TMEM184B: variants seen among roughly 807,000 people sequenced by gnomAD.
The protein encoded by TMEM184B is transmembrane protein 184B.
In TMEM184B, 17 loss-of-function variants were observed where a neutral mutation model predicts 41.8. The ratio of observed to expected loss-of-function variants is 0.41; its 90% confidence interval spans 0.28 to 0.61. The LOEUF is 0.61. Ranked by LOEUF, TMEM184B falls within the 20% of genes least tolerant of loss-of-function variation. The pLI is 0.34. For missense variants in TMEM184B, 393 were observed against 557.8 expected, an observed-to-expected ratio of 0.70 and a Z score of 2.98; for synonymous variants, 240 against 229.5, an observed-to-expected ratio of 1.05 and a Z score of -0.41.
intron 5 of TMEM184B, among the ~76,000 whole-genome samples, chr22:38,227,801 A>C (rs1223237763): frequency 2.6e-5 from 4 of 152,134 alleles, no homozygotes; most frequent in Non-Finnish European, 4.4e-5. Flanking sequence ...GCCTCTGTAC[A>C]TGCACTAACG....
chr22:38,241,883 CAAA>C lies in TMEM184B; in HGVS notation c.358+4049_358+4051del, dbSNP rs34060428. On this transcript the variant is annotated intron_variant, in intron 3 of 8. Coordinates refer to ENST00000361906, the MANE Select transcript of TMEM184B (RefSeq NM_012264.5). Reference sequence around the variant, plus strand: ...TGGGTGACAGAGCGAGACTCCGTCTCAAAAAAAAAAAAAAAAAAAAAAAAGAAC... The same window carrying C: ...TGGGTGACAGAGCGAGACTCCGTCTCAAAAAAAAAAAAAAAAAAAAAGAAC... 1.1e-3 allele frequency among the ~76,000 whole-genome samples: 35 copies of C among 32,602 alleles called. No individual in the cohort carries two copies. The South Asian group carries it at 0.019, about 18-fold the overall frequency. The allele number at this position is 32,602 out of a possible 152,430, so 21.4% of individuals were successfully genotyped here.
intron 1 of TMEM184B, among the ~76,000 whole-genome samples, chr22:38,255,934 A>T (rs2092270476): frequency 6.6e-6 from 1 of 152,218 alleles, no homozygotes; most frequent in African/African-American, 2.4e-5. Context: ...CCAGGTGATG[A>T]AACAGTTTGT....
intron 8 of TMEM184B, chr22:38,222,867 AG>A (rs967362461): frequency 8.6e-5 from 16 of 186,970 alleles, no homozygotes; most frequent in African/African-American, 3.1e-4. Context: ...GGGGCCTGGC[AG>A]GGGGGATATC....
chr22:38,235,337 GGA>G (rs2091746357), intron 3 of TMEM184B, among the ~76,000 whole-genome samples: 3 of 152,176 alleles, frequency 2.0e-5, no homozygotes, highest in Non-Finnish European at 4.4e-5. Flanking sequence ...CTCCCTCCCG[GGA>G]GAGCCCATCC....
intron 1 of TMEM184B, among the ~76,000 whole-genome samples, chr22:38,265,493 G>C (rs931645349): frequency 2.6e-5 from 4 of 152,092 alleles, no homozygotes; most frequent in African/African-American, 9.7e-5. Context: ...CTCAAAACCA[G>C]AAAACCTGGG....
Position 38,248,023 on chromosome 22 carries a change from G to T in TMEM184B, c.-58-4C>A, listed in dbSNP as rs1178996064. On this transcript the variant is annotated splice_polypyrimidine_tract_variant and splice_region_variant and intron_variant, in intron 1 of 8. Coordinates refer to ENST00000361906, the MANE Select transcript of TMEM184B (RefSeq NM_012264.5). ...TTGCAGAAAGTGACAAGCTAGCCTA[G>T]AGAGAAGAAATTGCAATGTGAGTCT... is the stretch of plus-strand genomic sequence containing the variant. The T allele has an allele frequency of 6.7e-7, 1 of 1,491,902 alleles. No individual in the cohort carries two copies. The highest frequency in any genetic ancestry group is 8.9e-7 in the Non-Finnish European group (1 of 1,123,906). The allele number at this position is 1,491,902 out of a possible 1,614,324, so 92.4% of individuals were successfully genotyped here. A position where few individuals can be genotyped will look rare whatever the true frequency, so the allele number is the denominator to read the frequency against.
chr22:38,241,841 G>A (rs574514126), intron 3 of TMEM184B, among the ~76,000 whole-genome samples: 12 of 134,556 alleles, frequency 8.9e-5, no homozygotes, highest in South Asian at 2.3e-4. Context: ...CCGAGGTGGC[G>A]TCACTGCACT....
Position 38,247,874 on chromosome 22 carries a change from C to G in TMEM184B, c.88G>C (p.Gly30Arg), listed in dbSNP as rs1237108649. ...GGCTGCTCCATGGCAGTGGGGCTGC[C>G]CTCGGGGATCACGGAGACGCTGGGC... is the stretch of plus-strand genomic sequence containing the variant. Reference protein sequence around the residue: ...ASPSVSVIPEGSPTAMEQPVF... With the variant: ...ASPSVSVIPERSPTAMEQPVF... The change falls in exon 2 of 9, where the codon GGC becomes CGC. Residue 30 changes from glycine to arginine, a missense_variant. Coordinates refer to ENST00000361906, the MANE Select transcript of TMEM184B (RefSeq NM_012264.5). 6.2e-7 allele frequency: 1 copy of G among 1,612,664 alleles called. No homozygotes were observed. Among genetic ancestry groups the G allele is most frequent in the Non-Finnish European group, 8.5e-7 (1 of 1,179,670 alleles).
At chr22:38,230,806 G>A in intron 4 of TMEM184B, 62 bp from the exon 5 acceptor site, 1 of 1,535,698 alleles carries the variant, frequency 6.5e-7, no homozygotes, top group Non-Finnish European at 8.9e-7. Flanking sequence ...TGGGAACAGT[G>A]GGGTGGGGAA....
At chr22:38,256,395 G>C (rs889687082) in intron 1 of TMEM184B, among the ~76,000 whole-genome samples, 5 of 151,946 alleles carry the variant, frequency 3.3e-5, no homozygotes, top group Admixed American at 3.3e-4. Context: ...TGTATTTTTA[G>C]TAGAGACAGG....
chr22:38,224,600 C>T (rs1045318554), intron 8 of TMEM184B, among the ~76,000 whole-genome samples, 185 bp downstream of exon 8: 5 of 152,302 alleles, frequency 3.3e-5, no homozygotes, highest in East Asian at 1.9e-4. Flanking sequence ...CTTCCAGGAC[C>T]GAATCGGTCG....
intron 2 of TMEM184B, chr22:38,246,982 G>T: frequency 1.4e-6 from 1 of 726,924 alleles, no homozygotes; most frequent in Non-Finnish European, 2.0e-6. Flanking sequence ...AGGGCAGCTG[G>T]CAAGGGGCTG....
chr22:38,244,046 G>A (rs893695690), intron 3 of TMEM184B, among the ~76,000 whole-genome samples: 1 of 152,186 alleles, frequency 6.6e-6, no homozygotes, highest in Non-Finnish European at 1.5e-5. Context: ...TCAAGCCCTT[G>A]AGGCTGGGAA....
Position 38,239,417 on chromosome 22 carries a change from A to C in TMEM184B, c.358+6518T>G, listed in dbSNP as rs1238827369. 2.0e-5 allele frequency: 3 copies of C among 152,258 alleles called. No homozygotes were observed. The highest frequency in any genetic ancestry group is 7.2e-5 in the African/African-American group (3 of 41,436). 9.4% of individuals were successfully genotyped at this position (152,258 alleles called of 1,614,324 possible). On this transcript the variant is annotated intron_variant, in intron 3 of 8. Coordinates refer to ENST00000361906, the MANE Select transcript of TMEM184B (RefSeq NM_012264.5). This position sits in a 1 kb window ranked among gnomAD's most constrained non-coding sequence, Gnocchi z 4.6. ...GGTGGGGAGCAAACCTTCAAGGACA[A>C]GAGGAGTGGCAACAGCCAAGCGACA...
downstream of TMEM184B, among the ~76,000 whole-genome samples, chr22:38,216,916 C>T (rs1293497499): frequency 6.6e-6 from 1 of 152,116 alleles, no homozygotes; most frequent in Non-Finnish European, 1.5e-5. Context: ...TGTGGTGGTA[C>T]ACATGCCTAT....
intron 1 of TMEM184B, among the ~76,000 whole-genome samples, chr22:38,265,398 A>G (rs2092429922): frequency 1.3e-5 from 2 of 152,066 alleles, no homozygotes. Flanking sequence ...CAGCAATCCA[A>G]TACACTGGCC....
At chr22:38,218,657 G>A (rs1049138098), downstream of TMEM184B, among the ~76,000 whole-genome samples, 7 of 152,172 alleles carry the variant, frequency 4.6e-5, no homozygotes, top group African/African-American at 9.7e-5. Context: ...GTTGGGGCTC[G>A]GTGCTTTCCC....
intron 3 of TMEM184B, among the ~76,000 whole-genome samples, chr22:38,238,274 G>A (rs915815353): frequency 3.4e-5 from 5 of 147,328 alleles, no homozygotes; most frequent in African/African-American, 7.6e-5. Context: ...GTCGCAGGCC[G>A]GAGTGCAGTG....
intron 1 of TMEM184B, among the ~76,000 whole-genome samples, chr22:38,248,776 TG>T (rs2092097794): frequency 6.6e-6 from 1 of 152,236 alleles, no homozygotes; most frequent in African/African-American, 2.4e-5. Flanking sequence ...GGGAGCTTCC[TG>T]GTGGGCCTGA....
Sources: gnomAD v4.1 joint callset for allele counts (sites outside exome capture counted in the v4.1 genomes callset) on GRCh38, gnomAD v4.1.1 for gene constraint, Gnocchi (gnomAD v3.1) non-coding constraint, MANE v1.5 for transcripts, NCBI Gene and HGNC (gene_info 2026-07-23, HGNC 2026-07-21) for gene names.